MED12L: variants seen among roughly 807,000 people sequenced by gnomAD.
The protein encoded by MED12L is mediator complex subunit 12L.
A neutral mutation model predicts 281.3 loss-of-function variants in MED12L; 60 were observed. The observed-to-expected ratio is 0.21, with a 90% CI of 0.17 to 0.26. The LOEUF is 0.26. MED12L is among the 10% of genes least tolerant of loss of function. The pLI is 1.00. For missense variants in MED12L, 2,146 were observed against 2,680.9 expected (o/e 0.80, Z 4.41); for synonymous variants, 974 against 987.2 (o/e 0.99, Z 0.25).
In MED12L at chr3:151,387,919, G is replaced by T; in HGVS notation, c.5198G>T (p.Arg1733Leu). The change falls in exon 37 of 45, where the codon CGA becomes CTA. Residue 1733 changes from arginine (R) to leucine (L), a missense_variant. Coordinates refer to ENST00000687756, the MANE Select transcript of MED12L (RefSeq NM_001393769.1). The part of the protein sequence containing the change: ...WAWFGTVRVD[R>L]RVIKYEEQHH... ...TGGTTTGGGACAGTCCGAGTGGACCGAAGAGTGATCAAGTACGAGGAGCAG... is the reference window on the plus strand; with the variant it reads ...TGGTTTGGGACAGTCCGAGTGGACCTAAGAGTGATCAAGTACGAGGAGCAG... 1 of 1,614,088 alleles carries T rather than the reference G, an allele frequency of 6.2e-7. No homozygotes were observed. The highest frequency in any genetic ancestry group is 8.5e-7 in the Non-Finnish European group (1 of 1,180,006).
At chr3:151,158,627 C>A in intron 6 of MED12L, 62 bp from the exon 7 acceptor site, 2 of 1,022,834 alleles carry the variant, frequency 2.0e-6, no homozygotes, top group Non-Finnish European at 1.5e-6. Context: ...ATAAGAATGA[C>A]AGTGCCTTTT....
chr3:151,219,598 C>G (rs769213679), intron 16 of MED12L: 2 of 152,060 alleles, frequency 1.3e-5, no homozygotes, highest in Non-Finnish European at 2.9e-5. Context: ...GCCCAGTGAG[C>G]GTTTGTCGTC....
At chr3:151,396,574 C>T (rs1003958072) in intron 39 of MED12L, among the ~76,000 whole-genome samples, 3 of 152,082 alleles carry the variant, frequency 2.0e-5, no homozygotes, top group African/African-American at 7.2e-5. Flanking sequence ...TGCAGTGAGC[C>T]GAGATCACGC....
chr3:151,174,429 A>G (rs923683255), intron 11 of MED12L, among the ~76,000 whole-genome samples: 1 of 152,180 alleles, frequency 6.6e-6, no homozygotes, highest in African/African-American at 2.4e-5. Context: ...TGACAAACCT[A>G]AGTAAAAAAT....
chr3:151,336,548 G>A (rs1378729426), intron 16 of MED12L: 2 of 456,180 alleles, frequency 4.4e-6, no homozygotes, highest in Non-Finnish European at 8.8e-6. Flanking sequence ...AGTCACCTCT[G>A]AGGATCATAA....
intron 16 of MED12L, among the ~76,000 whole-genome samples, chr3:151,240,019 C>G (rs1170629006): frequency 7.2e-6 from 1 of 138,096 alleles, no homozygotes; most frequent in Non-Finnish European, 1.5e-5. Flanking sequence ...AGGAAGTAAT[C>G]CTGATGTCTT....
intron 2 of MED12L, among the ~76,000 whole-genome samples, chr3:151,101,626 A>C (rs1007240095): frequency 1.3e-4 from 19 of 145,864 alleles, no homozygotes; most frequent in African/African-American, 4.8e-4. Context: ...CATAAGAAAA[A>C]GCTGGAAGGG....
intron 6 of MED12L, among the ~76,000 whole-genome samples, chr3:151,156,903 A>G (rs1462966489): frequency 1.3e-5 from 2 of 152,228 alleles, no homozygotes; most frequent in Non-Finnish European, 2.9e-5. Flanking sequence ...TCTTATTATT[A>G]GCAGAGATTT....
chr3:151,278,043 C>T (rs1742183193), intron 16 of MED12L, among the ~76,000 whole-genome samples: 1 of 152,094 alleles, frequency 6.6e-6, no homozygotes, highest in Non-Finnish European at 1.5e-5. Flanking sequence ...ATTTTGACAG[C>T]CACGATTGGA....
At chr3:151,101,512 C>T (rs759076013) in intron 2 of MED12L, among the ~76,000 whole-genome samples, 61 of 152,048 alleles carry the variant, frequency 4.0e-4, no homozygotes, top group Non-Finnish European at 7.1e-4. Flanking sequence ...AAGAATGCTG[C>T]GTGAGTTCAG....
At chr3:151,424,682 T>G (rs1245348041) in intron 43 of MED12L, among the ~76,000 whole-genome samples, 1 of 151,936 alleles carries the variant, frequency 6.6e-6, no homozygotes, top group Non-Finnish European at 1.5e-5. Context: ...ACCTTGAAAA[T>G]AAACACACAA....
In MED12L at chr3:151,416,326, G is replaced by GCAGCCC. The variant is rs772000716; in HGVS notation, c.6323_6328dup (p.Pro2108_Gln2109dup). On this transcript the variant is annotated inframe_insertion, in exon 43 of 45. Coordinates refer to ENST00000687756, the MANE Select transcript of MED12L (RefSeq NM_001393769.1). ...CCTCTTTCCAGATGCAGCAGCCCCA[G>GCAGCCC]CAGCCCCAGCCCCAGCAGCCTCCCC... The GCAGCCC allele has an allele frequency of 9.9e-6, 16 of 1,611,336 alleles. No homozygotes were observed. The East Asian group carries it at 1.8e-4, about 18-fold the overall frequency.
At chr3:151,293,736 C>T (rs1744652644) in intron 16 of MED12L, among the ~76,000 whole-genome samples, 1 of 152,086 alleles carries the variant, frequency 6.6e-6, no homozygotes, top group South Asian at 2.1e-4. Context: ...AAAAAATCCC[C>T]ACACAGAGAA....
intron 5 of MED12L, among the ~76,000 whole-genome samples, chr3:151,139,341 G>C (rs904846955): frequency 1.5e-4 from 23 of 152,308 alleles, no homozygotes; most frequent in Middle Eastern, 3.4e-3. Context: ...TAGAAACCAA[G>C]AGTTGAGCAC....
chr3:151,372,814 T>G, intron 27 of MED12L, 48 bp downstream of exon 27: 3 of 1,478,248 alleles, frequency 2.0e-6, no homozygotes, highest in Middle Eastern at 1.8e-4. Flanking sequence ...AACTCTTCTT[T>G]TGGAGAGAGC....
chr3:151,425,378 T>A (rs1300424316), intron 43 of MED12L: 1 of 226,942 alleles, frequency 4.4e-6, no homozygotes, highest in Non-Finnish European at 9.0e-6. Flanking sequence ...TCAAAATACA[T>A]CAAAATACAT....
chr3:151,350,221 T>C lies in MED12L; in HGVS notation c.2398+15T>C, dbSNP rs1377200718. 1.2e-6 allele frequency: 2 copies of C among 1,612,084 alleles called. No individual in the cohort carries two copies. The highest frequency in any genetic ancestry group is 1.7e-6 in the Non-Finnish European group (2 of 1,178,888). On this transcript the variant is annotated intron_variant, in intron 17 of 44. Transcript: ENST00000687756. ...AGAGACAGGGGGTAAAGAACCTTAA[T>C]GCATTTGCTCCCATTGTGTTGCCTT...
intron 16 of MED12L, among the ~76,000 whole-genome samples, chr3:151,296,906 T>TG (rs2149702866): frequency 6.6e-6 from 1 of 152,236 alleles, no homozygotes; most frequent in East Asian, 1.9e-4. Flanking sequence ...ACACAGGCAG[T>TG]TTAGTGTCTG....
At chr3:151,409,176 T>TAATAATAATAA (rs1716679927) in intron 39 of MED12L, 67 bp from the exon 40 acceptor site, 1 of 1,252,040 alleles carries the variant, frequency 8.0e-7, no homozygotes, top group Non-Finnish European at 1.1e-6. Context: ...ATTTGGATTA[T>TAATAATAATAA]TAACCAGAAG....
Sources: allele counts gnomAD v4.1 joint callset (sites outside exome capture counted in the v4.1 genomes callset), GRCh38; gene constraint gnomAD v4.1.1; transcripts MANE v1.5; gene names NCBI Gene and HGNC (gene_info 2026-07-23, HGNC 2026-07-21).